Variants in SNTG2 observed in about 807,000 individuals in gnomAD.
SNTG2 encodes syntrophin gamma 2, also known as gamma-2-syntrophin.
Under a neutral mutation model 70.9 loss-of-function variants are expected in SNTG2, and 74 were observed. The observed-to-expected ratio is 1.04, with a 90% CI of 0.86 to 1.27. The LOEUF (loss-of-function observed/expected upper bound fraction) is 1.27, where lower values mean the gene tolerates loss of function less well. Ranked by LOEUF, SNTG2 falls within the 50% of genes most tolerant of loss-of-function variation. The pLI, the probability that SNTG2 is intolerant of heterozygous loss-of-function variation, is 0.00. For synonymous variants in SNTG2, 278 were observed against 273.8 expected (o/e 1.02, Z -0.15); for missense variants, 717 against 690.7 (o/e 1.04, Z -0.43).
chr2:1,269,528 A>C (rs1678912393), intron 14 of SNTG2, among the ~76,000 whole-genome samples: 1 of 152,056 alleles, frequency 6.6e-6, no homozygotes, highest in Admixed American at 6.5e-5. Context: ...CTCAAAAAAA[A>C]AGGTATAGGG....
chr2:1,048,299 T>C (rs1661856801), intron 1 of SNTG2, among the ~76,000 whole-genome samples: 1 of 152,168 alleles, frequency 6.6e-6, no homozygotes, highest in Admixed American at 6.5e-5. Flanking sequence ...GACCTCCTTA[T>C]GTGGCCAGCG....
chr2:1,112,421 T>G (rs939473586), intron 4 of SNTG2, among the ~76,000 whole-genome samples: 1 of 151,414 alleles, frequency 6.6e-6, no homozygotes, highest in African/African-American at 2.4e-5. Flanking sequence ...CTAAGTGAGG[T>G]TTAACACTTA....
At chr2:1,307,936 A>G (rs1680780453) in intron 14 of SNTG2, among the ~76,000 whole-genome samples, 1 of 152,184 alleles carries the variant, frequency 6.6e-6, no homozygotes, top group Admixed American at 6.5e-5. Context: ...TGCGCTTCAG[A>G]CTGCAGACCT....
chr2:961,813 G>A (rs537716803), intron 1 of SNTG2, among the ~76,000 whole-genome samples: 4 of 152,154 alleles, frequency 2.6e-5, no homozygotes, highest in Non-Finnish European at 5.9e-5. Context: ...GCTAGGCTGG[G>A]TTTATAGAAA....
intron 14 of SNTG2, among the ~76,000 whole-genome samples, chr2:1,284,360 G>A (rs1679684336): frequency 6.6e-6 from 1 of 152,214 alleles, no homozygotes; most frequent in African/African-American, 2.4e-5. Flanking sequence ...TGATAGGAAG[G>A]CGGCAGCCAG....
At chr2:1,054,756 G>C (rs73166565) in intron 1 of SNTG2, among the ~76,000 whole-genome samples, 1,801 of 152,252 alleles carry the variant, frequency 0.012, 36 homozygotes, top group African/African-American at 0.041. Context: ...TAATGTTGAT[G>C]TATTTTTGGA....
At chr2:1,082,613 C>T (rs1055056623) in intron 1 of SNTG2, among the ~76,000 whole-genome samples, 5 of 152,316 alleles carry the variant, frequency 3.3e-5, no homozygotes, top group African/African-American at 1.2e-4. Context: ...CCCTCTCCCC[C>T]GCCACGTGGC....
intron 16 of SNTG2, among the ~76,000 whole-genome samples, chr2:1,364,146 ATTTTT>A (rs57194458): frequency 2.7e-5 from 4 of 147,304 alleles, no homozygotes; most frequent in African/African-American, 1.0e-4. Flanking sequence ...AATTTTTAGT[ATTTTT>A]TTTTTTTTTT....
At chr2:1,031,528 A>ATATATATATTTTTTTTTTTTTTTTTTT in intron 1 of SNTG2, among the ~76,000 whole-genome samples, 1 of 59,122 alleles carries the variant, frequency 1.7e-5, no homozygotes, top group Non-Finnish European at 3.1e-5. Context: ...ATATATATAT[A>ATATATATATTTTTTTTTTTTTTTTTTT]TTTTTTTTTT....
chr2:1,003,898 A>G (rs73908647), intron 1 of SNTG2, among the ~76,000 whole-genome samples: 13,178 of 152,190 alleles, frequency 0.087, 759 homozygotes, highest in South Asian at 0.21. Flanking sequence ...AGTAATTGTA[A>G]TTTGCTAGGC....
At chr2:1,138,382 A>G (rs548675640) in intron 6 of SNTG2, among the ~76,000 whole-genome samples, 57 of 152,274 alleles carry the variant, frequency 3.7e-4, no homozygotes, top group African/African-American at 4.6e-4. Flanking sequence ...GGTTAGGCGG[A>G]TGAAACAGAC....
At chr2:1,266,324 G>A (rs1390667377) in intron 13 of SNTG2, among the ~76,000 whole-genome samples, 2 of 152,142 alleles carry the variant, frequency 1.3e-5, no homozygotes, top group Non-Finnish European at 2.9e-5. Flanking sequence ...AATGAATCCC[G>A]AAGTGGGGTG....
chr2:977,965 T>C (rs1054406117), intron 1 of SNTG2, among the ~76,000 whole-genome samples: 1 of 152,234 alleles, frequency 6.6e-6, no homozygotes, highest in African/African-American at 2.4e-5. Context: ...TCATTATCTG[T>C]AACATCAGCC....
intron 2 of SNTG2, among the ~76,000 whole-genome samples, chr2:1,086,260 C>T (rs1664677402): frequency 6.6e-6 from 1 of 152,224 alleles, no homozygotes; most frequent in African/African-American, 2.4e-5. Context: ...ACCTGTGCAT[C>T]AGGGGACAGC....
intron 1 of SNTG2, among the ~76,000 whole-genome samples, chr2:1,067,138 A>G (rs1279046383): frequency 3.9e-5 from 4 of 102,886 alleles, no homozygotes; most frequent in East Asian, 3.1e-4. Context: ...TCACTAGCAA[A>G]AAAAAAAAAA....
chr2:1,005,854 TATATATATATATATATATATAA>T (rs1659553662), intron 1 of SNTG2, among the ~76,000 whole-genome samples: 1 of 22,784 alleles, frequency 4.4e-5, no homozygotes, highest in African/African-American at 1.7e-4. Flanking sequence ...TATATATATA[TATATATATATATATATATATAA>T]ACGTTGACAT....
At chr2:1,295,110 A>T (rs1680146821) in intron 14 of SNTG2, among the ~76,000 whole-genome samples, 1 of 152,168 alleles carries the variant, frequency 6.6e-6, no homozygotes, top group South Asian at 2.1e-4. Flanking sequence ...GCAGTGTCAG[A>T]GTCTCTCTCT....
At chr2:958,324 C>A (rs111629630) in intron 1 of SNTG2, among the ~76,000 whole-genome samples, 2,989 of 152,218 alleles carry the variant, frequency 0.02, 90 homozygotes, top group African/African-American at 0.068. Flanking sequence ...CAACTGTTTT[C>A]TTATAACTGA....
At chr2:1,092,423 C>T (rs998662012) in intron 2 of SNTG2, among the ~76,000 whole-genome samples, 2 of 152,130 alleles carry the variant, frequency 1.3e-5, no homozygotes, top group Admixed American at 1.3e-4. Flanking sequence ...GTCATCCTGT[C>T]CTCACCACAA....
Sources: gnomAD v4.1 joint callset for allele counts (sites outside exome capture counted in the v4.1 genomes callset) on GRCh38, gnomAD v4.1.1 for gene constraint, MANE v1.5 for transcripts, NCBI Gene and HGNC (gene_info 2026-07-23, HGNC 2026-07-21) for gene names.